The following CDH11 variants were observed in gnomAD, a reference collection of about 807,000 sequenced individuals.
CDH11 encodes the protein cadherin-11.
In CDH11, 11 loss-of-function variants were observed where a neutral mutation model predicts 67.8. The ratio of observed to expected loss-of-function variants is 0.16; its 90% confidence interval spans 0.10 to 0.27. The LOEUF is 0.27. Among genes scored for constraint, CDH11 ranks in the 10% least tolerant of loss-of-function variants. The pLI is 1.00. For missense variants in CDH11, 847 were observed against 1,031.2 expected (o/e 0.82, Z 2.45); for synonymous variants, 419 against 400.0 (o/e 1.05, Z -0.57).
At chr16:65,086,341 G>A (rs540832934) in intron 1 of CDH11, among the ~76,000 whole-genome samples, 72 of 152,288 alleles carry the variant, frequency 4.7e-4, no homozygotes, top group African/African-American at 1.5e-3. Context: ...GCTCTTTAAA[G>A]CCACCTCAAG....
intron 3 of CDH11, among the ~76,000 whole-genome samples, chr16:65,001,973 C>A (rs2072930801): frequency 6.6e-6 from 1 of 152,108 alleles, no homozygotes; most frequent in Non-Finnish European, 1.5e-5. Flanking sequence ...CCATGGTTTA[C>A]CAAATTTCAC....
At position 64,945,153 on chromosome 16, in the gene CDH11, G is replaced by GA. The variant is rs35620688; in HGVS notation, c.*2449dup. 0.22 allele frequency: 44,535 copies of GA among 203,568 alleles called. 5,397 individuals are homozygous for GA. The highest frequency in any genetic ancestry group is 0.27 in the Non-Finnish European group (27,183 of 99,366). The allele number at this position is 203,568 out of a possible 1,614,324, so 12.6% of individuals were successfully genotyped here. ...ATGGTATAAAACAGTGATTACTTTAGAATAAGGAAGGACCGTTTAAATTAA... is the reference window on the plus strand; with the variant it reads ...ATGGTATAAAACAGTGATTACTTTAGAAATAAGGAAGGACCGTTTAAATTAA... On this transcript the variant is annotated 3_prime_UTR_variant, in exon 13 of 13. Coordinates refer to ENST00000268603, the MANE Select transcript of CDH11 (RefSeq NM_001797.4).
chr16:65,039,065 C>T (rs1232976696), intron 2 of CDH11, among the ~76,000 whole-genome samples: 3 of 152,110 alleles, frequency 2.0e-5, no homozygotes, highest in African/African-American at 7.2e-5. Flanking sequence ...GAAGTCCAGC[C>T]CCATTATTTC....
chr16:65,117,713 A>T (rs2075265338), intron 1 of CDH11, among the ~76,000 whole-genome samples: 2 of 152,208 alleles, frequency 1.3e-5, no homozygotes, highest in African/African-American at 2.4e-5. Context: ...CATCTTCAAA[A>T]CCTCATGAAA....
intron 1 of CDH11, among the ~76,000 whole-genome samples, chr16:65,090,180 T>C (rs925433176): frequency 6.6e-6 from 1 of 152,282 alleles, no homozygotes; most frequent in African/African-American, 2.4e-5. Context: ...AAAACTGACA[T>C]GTTCTAAGTT....
At chr16:65,095,871 T>C (rs1181028434) in intron 1 of CDH11, among the ~76,000 whole-genome samples, 1 of 152,206 alleles carries the variant, frequency 6.6e-6, no homozygotes, top group East Asian at 1.9e-4. Flanking sequence ...ATCAATGCCC[T>C]TATAAAAGTG....
chr16:65,055,807 T>C lies in CDH11; in HGVS notation c.-297-1879A>G, dbSNP rs546507204. On this transcript the variant is annotated intron_variant, in intron 1 of 12. Coordinates refer to ENST00000268603, the MANE Select transcript of CDH11 (RefSeq NM_001797.4). ...CAGCAGTAGAATGTTATGGGCTGAA[T>C]GGTTTTGTTCCCCAAAATTCACATG... Among the ~76,000 whole-genome samples, 79 of 152,334 alleles carry C rather than the reference T, an allele frequency of 5.2e-4. 4 individuals are homozygous for C. The South Asian group carries it at 0.016, about 30-fold the overall frequency.
chr16:65,087,875 C>T (rs1472776982), intron 1 of CDH11, among the ~76,000 whole-genome samples: 1 of 151,952 alleles, frequency 6.6e-6, no homozygotes, highest in Non-Finnish European at 1.5e-5. Context: ...TTGTCTTTTT[C>T]CTTCTTTTTA....
chr16:65,121,844 A>G lies in CDH11; in HGVS notation c.-298+36T>C, dbSNP rs1001203507. 1.9e-5 allele frequency: 13 copies of G among 701,382 alleles called. No individual in the cohort carries two copies. Among genetic ancestry groups the G allele is most frequent in the Non-Finnish European group, 2.6e-5 (10 of 384,384 alleles). The allele number at this position is 701,382 out of a possible 1,614,324, so 43.4% of individuals were successfully genotyped here. ...CTGCCCCCCATTCCAAGAAGCCCCA[A>G]CCAGGCGAGAGGAAGGGACTGGCGG... is the stretch of plus-strand genomic sequence containing the variant. On this transcript the variant is annotated intron_variant, in intron 1 of 12. Transcript: ENST00000268603. The surrounding 1 kb of genome is among the most constrained non-coding windows in gnomAD (Gnocchi z 4.1).
At chr16:65,046,799 A>G (rs918380541) in intron 2 of CDH11, among the ~76,000 whole-genome samples, 6 of 152,268 alleles carry the variant, frequency 3.9e-5, no homozygotes, top group African/African-American at 1.4e-4. Flanking sequence ...GAAAAACTTA[A>G]TACATTTTTC....
In CDH11 at chr16:65,034,511, T is replaced by A. The variant is rs536100339; in HGVS notation, c.-173+19293A>T. ...GAAGTAATGCTGCAGCCATGAGTAC[T>A]AGGTTCAAAGCCGACCTCTGCCCTT... is the stretch of plus-strand genomic sequence containing the variant. On this transcript the variant is annotated intron_variant, in intron 2 of 12. Transcript: ENST00000268603. Among the ~76,000 whole-genome samples, 5 of 152,250 alleles carry A rather than the reference T, an allele frequency of 3.3e-5. No homozygotes were observed. The East Asian group carries it at 9.7e-4, about 30-fold the overall frequency.
At chr16:65,011,112 TACATAC>T (rs200224632) in intron 2 of CDH11, among the ~76,000 whole-genome samples, 3 of 136,998 alleles carry the variant, frequency 2.2e-5, no homozygotes. Flanking sequence ...TATATATATA[TACATAC>T]ACACACACAC....
chr16:64,979,279 G>A (rs1045960335), intron 8 of CDH11, among the ~76,000 whole-genome samples: 5 of 152,060 alleles, frequency 3.3e-5, no homozygotes, highest in Non-Finnish European at 7.4e-5. Flanking sequence ...GCAAAACCCT[G>A]TCTCTATTTT....
At chr16:65,086,326 GCACGGCTCTTTAAAGC>G (rs1229154044) in intron 1 of CDH11, among the ~76,000 whole-genome samples, 3 of 152,166 alleles carry the variant, frequency 2.0e-5, no homozygotes, top group Non-Finnish European at 4.4e-5. Flanking sequence ...AGAGTCACTT[GCACGGCTCTTTAAAGC>G]CACCTCAAGG....
intron 2 of CDH11, among the ~76,000 whole-genome samples, chr16:65,013,909 T>C (rs1028156297): frequency 6.6e-6 from 1 of 152,106 alleles, no homozygotes; most frequent in African/African-American, 2.4e-5. Flanking sequence ...ACAATGTGTG[T>C]ACTTTGTACA....
At chr16:65,107,400 T>C (rs1024915322) in intron 1 of CDH11, among the ~76,000 whole-genome samples, 1 of 152,182 alleles carries the variant, frequency 6.6e-6, no homozygotes, top group African/African-American at 2.4e-5. Context: ...ACATCAGCTA[T>C]TATAACAATG....
intron 8 of CDH11, among the ~76,000 whole-genome samples, chr16:64,978,316 G>T (rs1211707370): frequency 1.3e-5 from 2 of 152,174 alleles, no homozygotes; most frequent in Non-Finnish European, 2.9e-5. Context: ...TATAACAGGG[G>T]CCAGCAAACT....
chr16:65,107,102 C>T (rs566827080), intron 1 of CDH11, among the ~76,000 whole-genome samples: 13 of 152,020 alleles, frequency 8.6e-5, no homozygotes, highest in Middle Eastern at 3.2e-3. Context: ...AAGCACTTCC[C>T]GATGACCAGT....
intron 1 of CDH11, among the ~76,000 whole-genome samples, chr16:65,107,957 G>A (rs922298513): frequency 6.6e-6 from 1 of 152,184 alleles, no homozygotes; most frequent in African/African-American, 2.4e-5. Context: ...CTGCCTAGAG[G>A]AAGGGAATCA....
Sources: allele counts gnomAD v4.1 joint callset (sites outside exome capture counted in the v4.1 genomes callset), GRCh38; gene constraint gnomAD v4.1.1; non-coding constraint Gnocchi (gnomAD v3.1); transcripts MANE v1.5; gene names NCBI Gene and HGNC (gene_info 2026-07-23, HGNC 2026-07-21).